Variants in MCF2L2 observed in about 807,000 individuals in gnomAD.
MCF2L2 encodes the protein MCF.2 cell line derived transforming sequence-like 2, also known as probable guanine nucleotide exchange factor MCF2L2.
MCF2L2 carries 102 observed loss-of-function variants against 150.2 expected under a neutral mutation model. The observed-to-expected ratio is 0.68, with a 90% CI of 0.58 to 0.80. The LOEUF is 0.80. Ranked by LOEUF, MCF2L2 falls within the 30% of genes least tolerant of loss-of-function variation. The pLI is 0.00. For missense variants in MCF2L2, 1,256 were observed against 1,372.8 expected (o/e 0.91, Z 1.34); for synonymous variants, 465 against 491.3 (o/e 0.95, Z 0.71).
chr3:183,215,871 C>A (rs2108655642), intron 22 of MCF2L2, 98 bp downstream of exon 22: 2 of 1,422,402 alleles, frequency 1.4e-6, no homozygotes, highest in South Asian at 2.8e-5. Context: ...ATTCCTTTAC[C>A]ATAGACGATC....
rs1728439448 is a variant in MCF2L2 at position 183,295,387 on chromosome 3, G to C, written c.1588C>G (p.Gln530Glu). The change falls in exon 13 of 30, where the codon CAG becomes GAG. Residue 530 changes from glutamine to glutamate, a missense_variant. Coordinates refer to ENST00000328913, the MANE Select transcript of MCF2L2 (RefSeq NM_015078.4). The part of the protein sequence containing the change: ...QVSLMKLAAK[Q>E]TRPVQPVAPH... ...GCCACAGGTTGCACTGGACGAGTCTGTTTGGCTGCCAGTTTCATCAGACTC... is the reference window on the plus strand; with the variant it reads ...GCCACAGGTTGCACTGGACGAGTCTCTTTGGCTGCCAGTTTCATCAGACTC... The C allele has an allele frequency of 6.2e-7, 1 of 1,613,990 alleles. No individual in the cohort carries two copies. The highest frequency in any genetic ancestry group is 1.7e-5 in the Admixed American group (1 of 60,000).
At chr3:183,219,672 C>G (rs28475598) in intron 21 of MCF2L2, among the ~76,000 whole-genome samples, 184 bp downstream of exon 21, 1,818 of 151,394 alleles carry the variant, frequency 0.012, 37 homozygotes, top group African/African-American at 0.042. Context: ...GGCTGCAAAT[C>G]CCTACTTTAA....
At chr3:183,184,399 T>C (rs549503130) in intron 27 of MCF2L2, among the ~76,000 whole-genome samples, 1 of 152,170 alleles carries the variant, frequency 6.6e-6, no homozygotes, top group Non-Finnish European at 1.5e-5. Context: ...TCTAGTGGTG[T>C]GTTGGAGCAG....
chr3:183,363,897 C>A (rs555146230), intron 3 of MCF2L2, among the ~76,000 whole-genome samples: 1 of 152,224 alleles, frequency 6.6e-6, no homozygotes, highest in Admixed American at 6.5e-5. Flanking sequence ...AGAGGATTCA[C>A]CATCTTCTAA....
chr3:183,343,527 C>T (rs1730782022), intron 3 of MCF2L2, among the ~76,000 whole-genome samples: 1 of 152,056 alleles, frequency 6.6e-6, no homozygotes, highest in Non-Finnish European at 1.5e-5. Flanking sequence ...CCCACCACCA[C>T]ACCCGGCTAA....
chr3:183,223,856 T>G (rs1723249442), intron 19 of MCF2L2, among the ~76,000 whole-genome samples: 2 of 152,200 alleles, frequency 1.3e-5, no homozygotes, highest in Non-Finnish European at 2.9e-5. Flanking sequence ...TGTGACATTT[T>G]TTACTTAGTT....
chr3:183,200,583 C>T (rs1722242539), intron 25 of MCF2L2, among the ~76,000 whole-genome samples: 1 of 152,310 alleles, frequency 6.6e-6, no homozygotes, highest in South Asian at 2.1e-4. Flanking sequence ...TGCCTGTTCA[C>T]TCTGATGGTA....
intron 1 of MCF2L2, among the ~76,000 whole-genome samples, chr3:183,425,169 A>G (rs1368426838): frequency 1.3e-5 from 2 of 151,450 alleles, no homozygotes; most frequent in African/African-American, 2.4e-5. Context: ...GGGGATGGAC[A>G]TGAGGAAAGA....
intron 14 of MCF2L2, among the ~76,000 whole-genome samples, chr3:183,287,175 C>A (rs905703943): frequency 2.0e-5 from 3 of 152,080 alleles, no homozygotes; most frequent in Non-Finnish European, 2.9e-5. Context: ...ACAACAACAA[C>A]AAAAAAATAG....
intron 15 of MCF2L2, among the ~76,000 whole-genome samples, chr3:183,252,657 A>C (rs1209345875): frequency 6.6e-6 from 1 of 152,082 alleles, no homozygotes; most frequent in Non-Finnish European, 1.5e-5. Flanking sequence ...TGCTGGCCCC[A>C]CTGTTTTAAA....
At chr3:183,198,183 T>C (rs931188780) in intron 25 of MCF2L2, among the ~76,000 whole-genome samples, 1 of 152,164 alleles carries the variant, frequency 6.6e-6, no homozygotes, top group African/African-American at 2.4e-5. Context: ...ACAAATCGGA[T>C]GTTCATTAAC....
intron 1 of MCF2L2, among the ~76,000 whole-genome samples, chr3:183,407,143 T>G (rs958273230): frequency 2.0e-5 from 3 of 152,216 alleles, no homozygotes; most frequent in Non-Finnish European, 4.4e-5. Context: ...ACTGCCTTTA[T>G]ACCTTTGTCA....
chr3:183,412,223 T>C (rs760518489), intron 1 of MCF2L2, among the ~76,000 whole-genome samples: 2 of 152,180 alleles, frequency 1.3e-5, no homozygotes, highest in Non-Finnish European at 2.9e-5. Flanking sequence ...GTAGAGCCCC[T>C]AGGAGTCAGT....
chr3:183,270,908 A>G lies in MCF2L2; in HGVS notation c.1862+5964T>C, dbSNP rs773450048. 6.2e-7 allele frequency: 1 copy of G among 1,601,016 alleles called. No homozygotes were observed. The highest frequency in any genetic ancestry group is 1.1e-5 in the South Asian group (1 of 88,406). ...TTTGTAAAATTAGCTATGTGGACACATACCCTTGTAGGGCTGCGTTTATCT... is the reference window on the plus strand; with the variant it reads ...TTTGTAAAATTAGCTATGTGGACACGTACCCTTGTAGGGCTGCGTTTATCT... On this transcript the variant is annotated intron_variant, in intron 15 of 29. Transcript: ENST00000328913. The surrounding 1 kb of genome is among the most constrained non-coding windows in gnomAD (Gnocchi z 4.5).
chr3:183,182,030 C>T (rs566668742), intron 27 of MCF2L2, among the ~76,000 whole-genome samples: 8 of 152,030 alleles, frequency 5.3e-5, no homozygotes, highest in Non-Finnish European at 1.2e-4. Context: ...CCTGCTCTCG[C>T]GGGCCCTGCA....
intron 1 of MCF2L2, among the ~76,000 whole-genome samples, chr3:183,390,505 G>A (rs1211968546): frequency 6.6e-6 from 1 of 152,120 alleles, no homozygotes; most frequent in Non-Finnish European, 1.5e-5. Context: ...TCCATTTGGG[G>A]AAAAGGAATT....
At chr3:183,282,881 G>C (rs571349202) in intron 14 of MCF2L2, among the ~76,000 whole-genome samples, 2 of 152,306 alleles carry the variant, frequency 1.3e-5, no homozygotes, top group South Asian at 4.1e-4. Flanking sequence ...GGTGTGGGCA[G>C]GGCTGCAGCC....
chr3:183,387,931 CAAAAAAAA>C (rs61024469), intron 2 of MCF2L2, among the ~76,000 whole-genome samples: 4 of 72,402 alleles, frequency 5.5e-5, no homozygotes, highest in South Asian at 5.3e-4. Context: ...GACTCCATCT[CAAAAAAAA>C]AAAAAAAAAA....
chr3:183,389,214 G>C (rs1422645276), intron 2 of MCF2L2, among the ~76,000 whole-genome samples: 3 of 152,202 alleles, frequency 2.0e-5, no homozygotes, highest in Admixed American at 6.5e-5. Flanking sequence ...AGTCAGAACA[G>C]CCTCTCTTCA....
Sources: allele counts gnomAD v4.1 joint callset (sites outside exome capture counted in the v4.1 genomes callset), GRCh38; gene constraint gnomAD v4.1.1; non-coding constraint Gnocchi (gnomAD v3.1); transcripts MANE v1.5; gene names NCBI Gene and HGNC (gene_info 2026-07-23, HGNC 2026-07-21).